Variants in PATJ observed in about 807,000 individuals in gnomAD.
PATJ encodes the protein PATJ crumbs cell polarity complex component.
Under a neutral mutation model 224.9 loss-of-function variants are expected in PATJ, and 190 were observed. The ratio of observed to expected loss-of-function variants is 0.84; its 90% CI spans 0.75 to 0.95. PATJ has a LOEUF of 0.95. Among genes scored for constraint, PATJ ranks in the 40% least tolerant of loss-of-function variants. The pLI is 0.00. For synonymous variants in PATJ, 769 were observed against 820.3 expected, an observed-to-expected ratio of 0.94 and a Z score of 1.07; for missense variants, 2,121 against 2,270.3, an observed-to-expected ratio of 0.93 and a Z score of 1.34.
chr1:61,780,884 T>G (rs1647217676), intron 7 of PATJ, among the ~76,000 whole-genome samples: 1 of 152,222 alleles, frequency 6.6e-6, no homozygotes, highest in African/African-American at 2.4e-5. Context: ...CGCCCTTTAC[T>G]GGAAGGGATC....
At chr1:61,978,095 A>G (rs1359508977) in intron 27 of PATJ, among the ~76,000 whole-genome samples, 1 of 151,630 alleles carries the variant, frequency 6.6e-6, no homozygotes, top group Non-Finnish European at 1.5e-5. Flanking sequence ...CTTCTCTGAA[A>G]GTCATCATTT....
intron 27 of PATJ, among the ~76,000 whole-genome samples, chr1:61,941,928 C>T (rs1677878921): frequency 6.6e-6 from 1 of 152,142 alleles, no homozygotes. Flanking sequence ...ACAGTAAATC[C>T]AAATGTCAGT....
chr1:61,802,435 A>ATTATT (rs1307912056), intron 12 of PATJ, among the ~76,000 whole-genome samples: 1 of 151,894 alleles, frequency 6.6e-6, no homozygotes, highest in African/African-American at 2.4e-5. Context: ...ACTTATATTA[A>ATTATT]TTATTTTATT....
At chr1:62,068,374 C>G (rs1397178988) in intron 31 of PATJ, among the ~76,000 whole-genome samples, 15 of 152,200 alleles carry the variant, frequency 9.9e-5, no homozygotes, top group Admixed American at 9.8e-4. Flanking sequence ...GTGGTTGACA[C>G]TTAGCCTCAG....
At chr1:61,884,189 G>A in intron 21 of PATJ, 48 bp from the exon 22 acceptor site, 1 of 1,472,618 alleles carries the variant, frequency 6.8e-7, no homozygotes, top group Non-Finnish European at 9.1e-7. Flanking sequence ...ATGACTAAAG[G>A]AGAATGAGTG....
chr1:62,065,000 A>G (rs559586639), intron 31 of PATJ, among the ~76,000 whole-genome samples: 28 of 152,318 alleles, frequency 1.8e-4, no homozygotes, highest in African/African-American at 6.5e-4. Flanking sequence ...CAAATTGCCA[A>G]TGGCAGAGTT....
chr1:61,839,098 G>C (rs2148823033), intron 17 of PATJ, among the ~76,000 whole-genome samples: 1 of 151,998 alleles, frequency 6.6e-6, no homozygotes, highest in Middle Eastern at 3.4e-3. Context: ...TGGGCCCCAG[G>C]TCTTTTTTTT....
At chr1:62,030,935 T>A (rs1343696497) in intron 29 of PATJ, among the ~76,000 whole-genome samples, 1 of 152,214 alleles carries the variant, frequency 6.6e-6, no homozygotes, top group Non-Finnish European at 1.5e-5. Flanking sequence ...ACATTTGGGT[T>A]GTTTCCAGTT....
At chr1:61,915,850 C>T (rs1673386517) in intron 26 of PATJ, among the ~76,000 whole-genome samples, 1 of 152,016 alleles carries the variant, frequency 6.6e-6, no homozygotes, top group Admixed American at 6.6e-5. Context: ...GCATGTGCCA[C>T]CATGCCCAGC....
At chr1:61,844,616 C>T (rs959128791) in intron 17 of PATJ, among the ~76,000 whole-genome samples, 2 of 152,050 alleles carry the variant, frequency 1.3e-5, no homozygotes, top group African/African-American at 4.8e-5. Context: ...TTATTAATCT[C>T]TTACTGTGCC....
chr1:61,997,382 T>A (rs546891283), intron 28 of PATJ, among the ~76,000 whole-genome samples: 13 of 152,308 alleles, frequency 8.5e-5, no homozygotes, highest in Non-Finnish European at 1.6e-4. Flanking sequence ...CCTCACACAC[T>A]AAGTGCAGTC....
chr1:62,087,077 GC>G (rs1185288681), intron 33 of PATJ, among the ~76,000 whole-genome samples: 2 of 152,114 alleles, frequency 1.3e-5, no homozygotes, highest in Admixed American at 6.5e-5. Context: ...TTGGGTACCC[GC>G]ACTCGGTGAG....
intron 31 of PATJ, among the ~76,000 whole-genome samples, chr1:62,061,547 C>A (rs114302247): frequency 0.024 from 3,610 of 152,128 alleles, 147 homozygotes; most frequent in African/African-American, 0.082. Flanking sequence ...TGAGAACATG[C>A]AGTATTTAGT....
At chr1:61,794,665 T>C (rs1186363167) in intron 9 of PATJ, among the ~76,000 whole-genome samples, 1 of 151,714 alleles carries the variant, frequency 6.6e-6, no homozygotes, top group Non-Finnish European at 1.5e-5. Flanking sequence ...TACTAATTTG[T>C]TGTTGTTGTT....
Position 61,901,278 on chromosome 1 carries a change from A to G in PATJ, c.3204-4A>G. On this transcript the variant is annotated splice_polypyrimidine_tract_variant and splice_region_variant and intron_variant, in intron 23 of 43. Coordinates refer to ENST00000642238, the MANE Select transcript of PATJ (RefSeq NM_001350145.3). ...AGTGAGTTTTGTTTTTTTCCTTTAT[A>G]TAGTGTTGAGATTTTTAGAGAACCC... 6 of 1,514,118 alleles carry G rather than the reference A, an allele frequency of 4.0e-6. No homozygotes were observed. The highest frequency in any genetic ancestry group is 5.3e-6 in the Non-Finnish European group (6 of 1,140,190). The allele number at this position is 1,514,118 out of a possible 1,614,324, so 93.8% of individuals were successfully genotyped here. A position where few individuals can be genotyped will look rare whatever the true frequency, so the allele number is the denominator to read the frequency against.
At chr1:61,821,933 G>A (rs1249885253) in intron 14 of PATJ, among the ~76,000 whole-genome samples, 1 of 152,112 alleles carries the variant, frequency 6.6e-6, no homozygotes, top group Non-Finnish European at 1.5e-5. Context: ...CTCTTTACTC[G>A]ACATTGGCTA....
chr1:62,116,778 T>A, intron 36 of PATJ, 99 bp downstream of exon 36: 1 of 1,128,108 alleles, frequency 8.9e-7, no homozygotes, highest in Non-Finnish European at 1.2e-6. Flanking sequence ...GATTTTATAC[T>A]AACTCTAGTT....
chr1:61,891,592 A>G (rs182896891), intron 22 of PATJ, among the ~76,000 whole-genome samples: 6 of 152,280 alleles, frequency 3.9e-5, no homozygotes, highest in Admixed American at 2.0e-4. Flanking sequence ...GAATGTGAAC[A>G]ATTAGGACAA....
At chr1:61,796,938 C>T (rs1425056939) in intron 10 of PATJ, among the ~76,000 whole-genome samples, 1 of 151,868 alleles carries the variant, frequency 6.6e-6, no homozygotes, top group Non-Finnish European at 1.5e-5. Context: ...ACAATCTTGG[C>T]TCACTCCAAC....
Sources: allele counts gnomAD v4.1 joint callset (sites outside exome capture counted in the v4.1 genomes callset), GRCh38; gene constraint gnomAD v4.1.1; transcripts MANE v1.5; gene names NCBI Gene and HGNC (gene_info 2026-07-23, HGNC 2026-07-21).